RBP3: variants seen among roughly 807,000 people sequenced by gnomAD.
RBP3 encodes the protein retinol binding protein 3, also known as retinol-binding protein 3.
In RBP3, 50 loss-of-function variants were observed where a neutral mutation model predicts 64.8. The ratio of observed to expected loss-of-function variants is 0.77; its 90% CI spans 0.61 to 0.98. The LOEUF (loss-of-function observed/expected upper bound fraction) is 0.98, where lower values mean the gene tolerates loss of function less well. RBP3 is among the 50% of genes least tolerant of loss of function. The probability of loss-of-function intolerance (pLI) is 0.00; values close to 1 mark genes in which losing one functional copy is unlikely to be tolerated. For missense variants in RBP3, 1,712 were observed against 1,660.5 expected, an observed-to-expected ratio of 1.03 and a Z score of -0.54; for synonymous variants, 828 against 730.2, an observed-to-expected ratio of 1.13 and a Z score of -2.16.
chr10:47,348,946 C>G lies in RBP3; in HGVS notation c.462C>G (p.His154Gln). The change falls in exon 1 of 4, where the codon CAC becomes CAG. Residue 154 changes from histidine to glutamine, a missense_variant. His to Gln is a conservative substitution (Grantham distance 24). Transcript: ENST00000584701. ...LSMMGEFLVA[H>Q]VWGNLMGTSA... The stretch of plus-strand genomic sequence containing the variant: ...TGATGGGGGAGTTCCTGGTGGCCCA[C>G]GTGTGGGGGAATCTCATGGGCACCT... 1 of 1,613,896 alleles carries G rather than the reference C, an allele frequency of 6.2e-7. No individual in the cohort carries two copies. Among genetic ancestry groups the G allele is most frequent in the African/African-American group, 1.3e-5 (1 of 75,058 alleles).
At chr10:47,355,709 A>G (rs1319270655) in intron 3 of RBP3, among the ~76,000 whole-genome samples, 191 bp downstream of exon 3, 3 of 152,190 alleles carry the variant, frequency 2.0e-5, no homozygotes, top group Non-Finnish European at 2.9e-5. Context: ...CTAGAGGAAA[A>G]AAAAGGGGGT....
intron 3 of RBP3, among the ~76,000 whole-genome samples, chr10:47,356,870 G>A (rs782614742): frequency 2.6e-5 from 4 of 152,212 alleles, no homozygotes; most frequent in Non-Finnish European, 5.9e-5. Flanking sequence ...AAAAGGCCTC[G>A]TTGGGAGTTG....
At position 47,348,460 on chromosome 10, in the gene RBP3, G is replaced by A. The variant is rs1555210841; in HGVS notation, c.-25G>A. ...CACAGTCCAGGGAGCTTTTGTGCAG[G>A]AGCCAGGCCTCCCCCTGGGTCCCCA... On this transcript the variant is annotated 5_prime_UTR_variant, in exon 1 of 4. Transcript: ENST00000584701. 6.3e-7 allele frequency: 1 copy of A among 1,598,430 alleles called. No homozygotes were observed. The highest frequency in any genetic ancestry group is 2.2e-5 in the East Asian group (1 of 44,852).
chr10:47,353,598 G>C, intron 2 of RBP3, 83 bp downstream of exon 2: 30 of 1,525,812 alleles, frequency 2.0e-5, no homozygotes, highest in Non-Finnish European at 2.7e-5. Flanking sequence ...CAGCAGGGAA[G>C]AAAAGGAACC....
intron 1 of RBP3, among the ~76,000 whole-genome samples, chr10:47,352,803 G>A (rs1172047588): frequency 3.9e-5 from 6 of 152,194 alleles, no homozygotes; most frequent in Admixed American, 3.9e-4. Context: ...TCAGATTCTG[G>A]CTCCACCACT....
chr10:47,348,569 C>G lies in RBP3; in HGVS notation c.85C>G (p.Leu29Val). 1 of 1,613,102 alleles carries G rather than the reference C, an allele frequency of 6.2e-7. No individual in the cohort carries two copies. The highest frequency in any genetic ancestry group is 2.2e-5 in the East Asian group (1 of 44,888). The change falls in exon 1 of 4, where the codon CTG (leucine) becomes GTG (valine). Residue 29 changes from leucine to valine, a missense_variant. Leu to Val is a conservative substitution (Grantham distance 32). Coordinates refer to ENST00000584701, the MANE Select transcript of RBP3 (RefSeq NM_002900.3). ...PTHLFQPSLVLDMAKVLLDNY... is the reference protein window; with the variant it reads ...PTHLFQPSLVVDMAKVLLDNY... ...ACACCTGTTCCAGCCAAGCCTGGTGCTGGACATGGCCAAGGTCCTCTTGGA... is the reference window on the plus strand; with the variant it reads ...ACACCTGTTCCAGCCAAGCCTGGTGGTGGACATGGCCAAGGTCCTCTTGGA...
intron 1 of RBP3, among the ~76,000 whole-genome samples, chr10:47,352,797 A>T (rs1416411223): frequency 6.6e-6 from 1 of 152,194 alleles, no homozygotes; most frequent in African/African-American, 2.4e-5. Flanking sequence ...GTGGATTCAG[A>T]TTCTGGCTCC....
rs781944893 is a variant in RBP3, at chr10:47,350,191, C to T, written c.1707C>T (p.Thr569=). The change falls in exon 1 of 4, where the codon ACC becomes ACT. Residue 569 remains threonine (T), a synonymous_variant. Transcript: ENST00000584701. ...GGGCCACACTGGTAGGTGAGATCAC[C>T]GCGGGCAACCTGCTGCACACCCGCA... ...LGWATLVGEI[T]AGNLLHTRTV... The T allele has an allele frequency of 8.1e-6, 13 of 1,611,076 alleles. No individual in the cohort carries two copies. Among genetic ancestry groups the T allele is most frequent in the Admixed American group, 1.7e-5 (1 of 60,022 alleles).
Position 47,350,452 on chromosome 10 carries a change from C to T in RBP3, c.1968C>T (p.Val656=), listed in dbSNP as rs545131365. The T allele has an allele frequency of 5.0e-6, 8 of 1,612,324 alleles. No homozygotes were observed. The Admixed American group carries it at 5.0e-5, about 10-fold the overall frequency. The change falls in exon 1 of 4, where the codon GTC becomes GTT. Residue 656 remains valine, a synonymous_variant. Coordinates refer to ENST00000584701, the MANE Select transcript of RBP3 (RefSeq NM_002900.3). ...AGGCCCACTATGCTCGGCCAGAGGT[C>T]GTGGGGCAGACCAGTGCCCTCCTGC... ...LLEAHYARPE[V]VGQTSALLRA...
rs1555211549 is a variant in RBP3 at position 47,351,266 on chromosome 10, C to T, written c.2782C>T (p.Gln928Ter). 1 of 1,613,426 alleles carries T rather than the reference C, an allele frequency of 6.2e-7. No homozygotes were observed. Among genetic ancestry groups the T allele is most frequent in the African/African-American group, 1.3e-5 (1 of 75,058 alleles). ...CATGAGCGAAGCCCTTTCCATAGCCCAGGACATAGTGGCTCTGCGTGCCAA... is the reference window on the plus strand; with the variant it reads ...CATGAGCGAAGCCCTTTCCATAGCCTAGGACATAGTGGCTCTGCGTGCCAA... ...VPMSEALSIA[Q>*]DIVALRAKVP... The change falls in exon 1 of 4, where the codon CAG (glutamine) becomes TAG (stop). Residue 928 changes from glutamine to a stop codon, truncating the protein, a stop_gained. Transcript: ENST00000584701. LOFTEE classifies it high-confidence loss of function.
At position 47,357,579 on chromosome 10, in the gene RBP3, G is replaced by A; in HGVS notation, c.*122G>A. On this transcript the variant is annotated 3_prime_UTR_variant, in exon 4 of 4. Coordinates refer to ENST00000584701, the MANE Select transcript of RBP3 (RefSeq NM_002900.3). ...GCAGCAAAGGGGCCTGCTGAGCTCT[G>A]GTTAGGTTACAGCTGGAGGTGTGTA... 1.3e-6 allele frequency: 1 copy of A among 761,682 alleles called. No individual in the cohort carries two copies. The highest frequency in any genetic ancestry group is 2.2e-6 in the Non-Finnish European group (1 of 462,524). The allele number at this position is 761,682 out of a possible 1,614,324, so 47.2% of individuals were successfully genotyped here. A position where few individuals can be genotyped will look rare whatever the true frequency, so the allele number is the denominator to read the frequency against.
intron 1 of RBP3, among the ~76,000 whole-genome samples, 165 bp from the exon 2 acceptor site, chr10:47,353,160 T>C (rs1837000296): frequency 6.6e-6 from 1 of 152,072 alleles, no homozygotes. Flanking sequence ...CCCAGTGGCA[T>C]GTCACATCCA....
In RBP3 at chr10:47,349,826, G is replaced by A. The variant is rs1322328055; in HGVS notation, c.1342G>A (p.Ala448Thr). The change falls in exon 1 of 4, where the codon GCT becomes ACT. Residue 448 changes from alanine to threonine, a missense_variant. Ala to Thr is a moderately conservative substitution (Grantham distance 58). Transcript: ENST00000584701. ...GGGCTACCTGCGCTTCGATAGTTTTGCTGACGCCTCCGTCCTGGGTGTGTT... is the reference window on the plus strand; with the variant it reads ...GGGCTACCTGCGCTTCGATAGTTTTACTGACGCCTCCGTCCTGGGTGTGTT... ...NVGYLRFDSF[A>T]DASVLGVLAP... The A allele has an allele frequency of 3.1e-6, 5 of 1,613,136 alleles. No homozygotes were observed. The highest frequency in any genetic ancestry group is 1.6e-4 in the Middle Eastern group (1 of 6,084).
At chr10:47,351,861 C>T (rs1488267498) in intron 1 of RBP3, among the ~76,000 whole-genome samples, 3 of 152,198 alleles carry the variant, frequency 2.0e-5, no homozygotes, top group African/African-American at 4.8e-5. Flanking sequence ...GAAGCCAGTT[C>T]GGAAGCTCCT....
intron 1 of RBP3, among the ~76,000 whole-genome samples, chr10:47,352,767 T>C (rs571475368): frequency 1.6e-4 from 24 of 152,230 alleles, no homozygotes; most frequent in Non-Finnish European, 3.5e-4. Flanking sequence ...ATAGCCAAGG[T>C]TCACGATTTG....
At chr10:47,355,797 A>G (rs1555211942) in intron 3 of RBP3, among the ~76,000 whole-genome samples, 1 of 152,202 alleles carries the variant, frequency 6.6e-6, no homozygotes, top group Non-Finnish European at 1.5e-5. Context: ...AGTTTGTCTA[A>G]TACCAAAATT....
rs1221021637 is a variant in RBP3, at chr10:47,349,452, G to A, written c.968G>A (p.Arg323His). The A allele has an allele frequency of 1.1e-5, 17 of 1,612,426 alleles. No homozygotes were observed. Among genetic ancestry groups the A allele is most frequent in the South Asian group, 2.2e-5 (2 of 91,086 alleles). Residue 323 changes from arginine to histidine, a missense_variant, in exon 1 of 4, where the codon CGC (arginine) becomes CAC (histidine). Transcript: ENST00000584701. ...LEKALAILTLRSALPGVVHCL... is the reference protein window; with the variant it reads ...LEKALAILTLHSALPGVVHCL... ...AAAGCCCTGGCCATCCTCACTCTGC[G>A]CAGCGCCCTTCCAGGGGTAGTCCAC...
Position 47,357,801 on chromosome 10 carries a change from T to C in RBP3, c.*344T>C, listed in dbSNP as rs1363025370. The C allele has an allele frequency of 5.3e-6, 1 of 187,364 alleles. No individual in the cohort carries two copies. Among genetic ancestry groups the C allele is most frequent in the Non-Finnish European group, 1.1e-5 (1 of 91,578 alleles). The allele number at this position is 187,364 out of a possible 1,614,324, so 11.6% of individuals were successfully genotyped here. A position where few individuals can be genotyped will look rare whatever the true frequency, so the allele number is the denominator to read the frequency against. On this transcript the variant is annotated 3_prime_UTR_variant, in exon 4 of 4. Transcript: ENST00000584701. The stretch of plus-strand genomic sequence containing the variant: ...ACTCATTAATGTGCATATATCATTA[T>C]TTTCAGATGCAGCTATCATTATTCC...
Position 47,350,421 on chromosome 10 carries a change from T to C in RBP3, c.1937T>C (p.Leu646Pro). ...GCCTTGGTGGAGGGCACAGGGCACC[T>C]GCTGGAGGCCCACTATGCTCGGCCA... ...LGALVEGTGH[L>P]LEAHYARPEV... Residue 646 changes from leucine (L) to proline (P), a missense_variant, in exon 1 of 4, where the codon CTG becomes CCG. Physicochemically the swap from Leu to Pro is moderately conservative, Grantham distance 98. Coordinates refer to ENST00000584701, the MANE Select transcript of RBP3 (RefSeq NM_002900.3). The C allele has an allele frequency of 6.2e-7, 1 of 1,612,236 alleles. No individual in the cohort carries two copies. Among genetic ancestry groups the C allele is most frequent in the Non-Finnish European group, 8.5e-7 (1 of 1,179,806 alleles).
Sources: allele counts gnomAD v4.1 joint callset (sites outside exome capture counted in the v4.1 genomes callset), GRCh38; gene constraint gnomAD v4.1.1; transcripts MANE v1.5; gene names NCBI Gene and HGNC (gene_info 2026-07-23, HGNC 2026-07-21).